The following FSD1L variants were observed in gnomAD, a reference collection of about 807,000 sequenced individuals.
FSD1L encodes FSD1-like protein.
Under a neutral mutation model 71.6 loss-of-function variants are expected in FSD1L, and 45 were observed. The ratio of observed to expected loss-of-function variants is 0.63; its 90% confidence interval spans 0.49 to 0.81. The LOEUF is 0.81. FSD1L is among the 30% of genes least tolerant of loss of function. The pLI, the probability that FSD1L is intolerant of heterozygous loss-of-function variation, is 0.00. For missense variants in FSD1L, 561 were observed against 618.1 expected, an observed-to-expected ratio of 0.91 and a Z score of 0.98; for synonymous variants, 197 against 207.2, an observed-to-expected ratio of 0.95 and a Z score of 0.42.
intron 12 of FSD1L, among the ~76,000 whole-genome samples, chr9:105,536,763 GT>G (rs199852403): frequency 0.025 from 3,778 of 152,042 alleles, 174 homozygotes; most frequent in African/African-American, 0.087. Context: ...AGCCTCCTGA[GT>G]TAGCTGGGAT....
chr9:105,540,136 T>C (rs965672770), intron 13 of FSD1L, among the ~76,000 whole-genome samples: 5 of 152,176 alleles, frequency 3.3e-5, no homozygotes, highest in African/African-American at 9.6e-5. Context: ...CAAATCCTTG[T>C]CAACACTTAG....
At position 105,549,231 on chromosome 9, in the gene FSD1L, C is replaced by G. The variant is rs1015798620; in HGVS notation, c.*2748C>G. The G allele has an allele frequency of 6.6e-6, 1 of 151,966 alleles. No homozygotes were observed. The highest frequency in any genetic ancestry group is 1.5e-5 in the Non-Finnish European group (1 of 67,916). 9.4% of individuals were successfully genotyped at this position (151,966 alleles called of 1,614,324 possible). A position where few individuals can be genotyped will look rare whatever the true frequency, so the allele number is the denominator to read the frequency against. ...AAAACAGTTGTTTTCTAAAAACATG[C>G]ATTTAGTATGGCATTCTCTTTTAGC... On this transcript the variant is annotated 3_prime_UTR_variant, in exon 14 of 14. Transcript: ENST00000481272.
chr9:105,471,168 CT>C (rs1831429468), intron 4 of FSD1L, among the ~76,000 whole-genome samples: 2 of 152,216 alleles, frequency 1.3e-5, no homozygotes, highest in Non-Finnish European at 2.9e-5. Flanking sequence ...GCCTTTCCTT[CT>C]TCCCATCAAG....
At chr9:105,506,352 T>C (rs1589036512) in intron 7 of FSD1L, 47 bp from the exon 8 acceptor site, 5 of 1,334,414 alleles carry the variant, frequency 3.7e-6, no homozygotes, top group Non-Finnish European at 5.2e-6. Context: ...ATTAGTGTTG[T>C]AATAAATGAG....
chr9:105,496,741 G>GC (rs1283951986), intron 7 of FSD1L, among the ~76,000 whole-genome samples: 1 of 152,234 alleles, frequency 6.6e-6, no homozygotes, highest in East Asian at 1.9e-4. Flanking sequence ...CTGCAGCCTT[G>GC]CTGCAATCAC....
intron 1 of FSD1L, among the ~76,000 whole-genome samples, chr9:105,454,705 G>A (rs984948432): frequency 2.6e-5 from 4 of 152,046 alleles, no homozygotes; most frequent in African/African-American, 9.7e-5. Flanking sequence ...TTATCCTCTG[G>A]TGTGCTTTAT....
At chr9:105,524,558 G>T in intron 10 of FSD1L, 1 of 1,613,964 alleles carries the variant, frequency 6.2e-7, no homozygotes, top group East Asian at 2.2e-5. Context: ...TTTTACATGG[G>T]TGTGTTTATG....
At chr9:105,494,691 C>G (rs558121568) in intron 7 of FSD1L, among the ~76,000 whole-genome samples, 1 of 152,120 alleles carries the variant, frequency 6.6e-6, no homozygotes, top group East Asian at 1.9e-4. Flanking sequence ...CGTGGATGTC[C>G]TTTCTGCTTG....
intron 7 of FSD1L, among the ~76,000 whole-genome samples, chr9:105,502,650 T>G (rs903292100): frequency 5.9e-5 from 9 of 152,200 alleles, no homozygotes; most frequent in African/African-American, 2.2e-4. Context: ...CACATAGATA[T>G]TACTACTACT....
At chr9:105,489,044 G>C (rs541990404) in intron 7 of FSD1L, among the ~76,000 whole-genome samples, 44 of 152,064 alleles carry the variant, frequency 2.9e-4, no homozygotes, top group African/African-American at 1.1e-3. Flanking sequence ...TCTGTCAATT[G>C]AGAAAAGCAT....
chr9:105,498,480 A>G (rs868832476), intron 7 of FSD1L, among the ~76,000 whole-genome samples: 1 of 152,082 alleles, frequency 6.6e-6, no homozygotes, highest in East Asian at 1.9e-4. Context: ...TACTGTAAGC[A>G]GTTGTAACAC....
intron 7 of FSD1L, among the ~76,000 whole-genome samples, chr9:105,492,276 T>G (rs113780052): frequency 1.9e-3 from 287 of 152,266 alleles, no homozygotes; most frequent in African/African-American, 6.6e-3. Context: ...ATTTTCCAGT[T>G]TATTTGCGTA....
rs1344646514 is a variant in FSD1L at position 105,550,441 on chromosome 9, A to G, written c.*3958A>G. 6.6e-6 allele frequency: 1 copy of G among 152,004 alleles called. No individual in the cohort carries two copies. Among genetic ancestry groups the G allele is most frequent in the Non-Finnish European group, 1.5e-5 (1 of 67,922 alleles). The allele number at this position is 152,004 out of a possible 1,614,324, so 9.4% of individuals were successfully genotyped here. On this transcript the variant is annotated 3_prime_UTR_variant, in exon 14 of 14. Coordinates refer to ENST00000481272, the MANE Select transcript of FSD1L (RefSeq NM_001145313.3). ...TTTTAACCAAAATATACATTTCATA[A>G]TGTTGGCACTGGAGTATTATAAGAG...
chr9:105,548,701 C>T lies in FSD1L; in HGVS notation c.*2218C>T, dbSNP rs1837142106. ...AACCTCTCCACTGGAGAGGTTTCATCTCTGAGAGGTTTTGTAATAATAGTG... is the reference window on the plus strand; with the variant it reads ...AACCTCTCCACTGGAGAGGTTTCATTTCTGAGAGGTTTTGTAATAATAGTG... On this transcript the variant is annotated 3_prime_UTR_variant, in exon 14 of 14. Transcript: ENST00000481272. 1 of 151,912 alleles carries T rather than the reference C, an allele frequency of 6.6e-6. No individual in the cohort carries two copies. Among genetic ancestry groups the T allele is most frequent in the Non-Finnish European group, 1.5e-5 (1 of 67,930 alleles). 9.4% of individuals were successfully genotyped at this position (151,912 alleles called of 1,614,324 possible). A position where few individuals can be genotyped will look rare whatever the true frequency, so the allele number is the denominator to read the frequency against.
chr9:105,446,571 A>G (rs1050121475), upstream of FSD1L, among the ~76,000 whole-genome samples: 3 of 151,002 alleles, frequency 2.0e-5, no homozygotes, highest in Admixed American at 1.3e-4. Flanking sequence ...GGGTTTTGCC[A>G]TGTTGCCCAG....
chr9:105,533,414 A>ATTTTTTTTTTTTTTTTT (rs1271918066), intron 10 of FSD1L, among the ~76,000 whole-genome samples: 44 of 13,348 alleles, frequency 3.3e-3, no homozygotes, highest in Admixed American at 4.7e-3. Context: ...TGCCATTTCC[A>ATTTTTTTTTTTTTTTTT]TCTTTTTTTT....
At chr9:105,494,607 C>G (rs993211133) in intron 7 of FSD1L, among the ~76,000 whole-genome samples, 1 of 152,158 alleles carries the variant, frequency 6.6e-6, no homozygotes, top group African/African-American at 2.4e-5. Flanking sequence ...TTTTTCTGTT[C>G]TGTTTTTTCC....
At chr9:105,482,489 T>G (rs915236694) in intron 6 of FSD1L, among the ~76,000 whole-genome samples, 4 of 152,222 alleles carry the variant, frequency 2.6e-5, no homozygotes, top group African/African-American at 9.6e-5. Context: ...TACCTTGTGC[T>G]GGTAGAAATG....
upstream of FSD1L, chr9:105,447,770 T>C: frequency 4.2e-6 from 1 of 239,382 alleles, no homozygotes; most frequent in South Asian, 4.9e-5. Context: ...GAGGGTGGGC[T>C]AATCCGTCTC....
Sources: allele counts gnomAD v4.1 joint callset (sites outside exome capture counted in the v4.1 genomes callset), GRCh38; gene constraint gnomAD v4.1.1; transcripts MANE v1.5; gene names NCBI Gene and HGNC (gene_info 2026-07-23, HGNC 2026-07-21).